The following NUDT2 variants were observed in gnomAD, a reference collection of about 807,000 sequenced individuals.
NUDT2 encodes the protein bis(5'-nucleosyl)-tetraphosphatase [asymmetrical].
In NUDT2, 12 loss-of-function variants were observed where a neutral mutation model predicts 14.2. The observed-to-expected ratio is 0.84, with a 90% CI of 0.54 to 1.37. The LOEUF (loss-of-function observed/expected upper bound fraction) is 1.37, where lower values mean the gene tolerates loss of function less well. NUDT2 is among the 40% of genes most tolerant of loss of function. The pLI, the probability that NUDT2 is intolerant of heterozygous loss-of-function variation, is 0.00. For synonymous variants in NUDT2, 67 were observed against 67.4 expected (o/e 0.99, Z 0.03); for missense variants, 167 against 176.7 (o/e 0.95, Z 0.31).
In NUDT2 at chr9:34,343,602, C is replaced by T. The variant is rs756558874; in HGVS notation, c.*162C>T. On this transcript the variant is annotated 3_prime_UTR_variant, in exon 5 of 5. Transcript: ENST00000379158. ...CTCCCAGGTGAGAGCAAGCAAAAAT[C>T]TTGGCTGGGTGGAAAGGAAGGCAAA... is the stretch of plus-strand genomic sequence containing the variant. 2 of 613,962 alleles carry T rather than the reference C, an allele frequency of 3.3e-6. No homozygotes were observed. The highest frequency in any genetic ancestry group is 3.7e-5 in the African/African-American group (2 of 54,274). 38.0% of individuals were successfully genotyped at this position (613,962 alleles called of 1,614,324 possible). A position where few individuals can be genotyped will look rare whatever the true frequency, so the allele number is the denominator to read the frequency against.
Position 34,343,494 on chromosome 9 carries a change from A to T in NUDT2, c.*54A>T. ...GCAGGATCCTTGTGGGCCTTCTAAG[A>T]TGAAGCCACCCTCAGGTCCAGGGAA... On this transcript the variant is annotated 3_prime_UTR_variant, in exon 5 of 5. Transcript: ENST00000379158. 6.9e-7 allele frequency: 1 copy of T among 1,446,868 alleles called. No homozygotes were observed. The highest frequency in any genetic ancestry group is 9.3e-7 in the Non-Finnish European group (1 of 1,080,248). The allele number at this position is 1,446,868 out of a possible 1,614,324, so 89.6% of individuals were successfully genotyped here. A position where few individuals can be genotyped will look rare whatever the true frequency, so the allele number is the denominator to read the frequency against.
At chr9:34,331,862 A>G (rs1452154244) in intron 1 of NUDT2, among the ~76,000 whole-genome samples, 2 of 152,134 alleles carry the variant, frequency 1.3e-5, no homozygotes, top group Non-Finnish European at 2.9e-5. Flanking sequence ...CAGGCACTCA[A>G]ACCAAAGCCT....
rs57932502 is a variant in NUDT2, at chr9:34,333,261, C to G, written c.-264-2968C>G. On this transcript the variant is annotated intron_variant, in intron 1 of 4. Transcript: ENST00000379158. ...ATTTAACATCTACGGCCCTCTCCCC[C>G]CAACTAAAACCTTTTTGGTGGAAAT... 3.7e-3 allele frequency among the ~76,000 whole-genome samples: 564 copies of G among 152,218 alleles called. 7 individuals carry two copies. Among genetic ancestry groups the G allele is most frequent in the East Asian group, 0.031 (161 of 5,178 alleles).
intron 2 of NUDT2, among the ~76,000 whole-genome samples, chr9:34,336,996 C>CT (rs145996244): frequency 0.46 from 50,493 of 109,220 alleles, 13,566 homozygotes; most frequent in East Asian, 0.66. Context: ...ATATGTACAT[C>CT]TTTTTTTTTT....
At chr9:34,337,237 TGATCTACCCGC>T (rs1191273567) in intron 2 of NUDT2, among the ~76,000 whole-genome samples, 1 of 152,104 alleles carries the variant, frequency 6.6e-6, no homozygotes, top group Admixed American at 6.5e-5. Context: ...TGACCTCAGG[TGATCTACCCGC>T]CTTGGCCTCC....
chr9:34,340,100 A>G (rs771537811), intron 4 of NUDT2, among the ~76,000 whole-genome samples: 1 of 151,810 alleles, frequency 6.6e-6, no homozygotes, highest in African/African-American at 2.4e-5. Context: ...ACGCCTGGCT[A>G]ATTTTTTGTA....
intron 4 of NUDT2, among the ~76,000 whole-genome samples, chr9:34,342,692 A>G (rs948237369): frequency 6.6e-6 from 1 of 152,008 alleles, no homozygotes; most frequent in African/African-American, 2.4e-5. Context: ...GATATTGCCA[A>G]TCTCCAGGCT....
At chr9:34,340,535 T>A (rs7863723) in intron 4 of NUDT2, among the ~76,000 whole-genome samples, 113,015 of 151,748 alleles carry the variant, frequency 0.74, 42,745 homozygotes, top group East Asian at 0.95. Context: ...AAGTCTCCAG[T>A]GGGAAGAACA....
In NUDT2 at chr9:34,338,857, T is replaced by C. The variant is rs538190975; in HGVS notation, c.-17+10T>C. 1.1e-5 allele frequency: 6 copies of C among 528,824 alleles called. No homozygotes were observed. Among genetic ancestry groups the C allele is most frequent in the African/African-American group, 1.1e-4 (6 of 53,010 alleles). 32.8% of individuals were successfully genotyped at this position (528,824 alleles called of 1,614,324 possible). A position where few individuals can be genotyped will look rare whatever the true frequency, so the allele number is the denominator to read the frequency against. ...GCAGTTATACACAAAGGTCAGTCTC[T>C]GATTCCTGGATGCCTTCCATTGGTC... On this transcript the variant is annotated intron_variant, in intron 3 of 4. Coordinates refer to ENST00000379158, the MANE Select transcript of NUDT2 (RefSeq NM_001161.5).
In NUDT2 at chr9:34,343,608, T is replaced by C; in HGVS notation, c.*168T>C. 1.7e-6 allele frequency: 1 copy of C among 596,136 alleles called. No homozygotes were observed. The highest frequency in any genetic ancestry group is 2.8e-6 in the Non-Finnish European group (1 of 354,860). 36.9% of individuals were successfully genotyped at this position (596,136 alleles called of 1,614,324 possible). A position where few individuals can be genotyped will look rare whatever the true frequency, so the allele number is the denominator to read the frequency against. On this transcript the variant is annotated 3_prime_UTR_variant, in exon 5 of 5. Transcript: ENST00000379158. The stretch of plus-strand genomic sequence containing the variant: ...GGTGAGAGCAAGCAAAAATCTTGGC[T>C]GGGTGGAAAGGAAGGCAAAAGAGTA...
At chr9:34,343,100 T>G in intron 4 of NUDT2, 24 bp from the exon 5 acceptor site, 2 of 1,562,992 alleles carry the variant, frequency 1.3e-6, no homozygotes, top group Non-Finnish European at 1.7e-6. Context: ...CCTCCTCCTT[T>G]TCTTCCTCTT....
chr9:34,335,887 T>C (rs1838076887), intron 1 of NUDT2, among the ~76,000 whole-genome samples: 1 of 152,166 alleles, frequency 6.6e-6, no homozygotes, highest in Non-Finnish European at 1.5e-5. Context: ...TGGTTCCATG[T>C]GGCTAACCCA....
intron 1 of NUDT2, among the ~76,000 whole-genome samples, chr9:34,331,884 TTGGCTTATGAAACATCTC>T (rs1306990063): frequency 7.2e-5 from 11 of 152,212 alleles, no homozygotes; most frequent in Admixed American, 2.0e-4. Flanking sequence ...TCTCTTTCCC[TTGGCTTATGAAACATCTC>T]TCTGTCCCTT....
At chr9:34,342,854 CAAATAAAT>C (rs773863442) in intron 4 of NUDT2, among the ~76,000 whole-genome samples, 4 of 151,494 alleles carry the variant, frequency 2.6e-5, no homozygotes, top group South Asian at 2.1e-4. Flanking sequence ...CCATCTTTAC[CAAATAAAT>C]AAATAAATAA....
intron 4 of NUDT2, among the ~76,000 whole-genome samples, chr9:34,339,707 G>A (rs1163490378): frequency 1.3e-5 from 2 of 152,066 alleles, no homozygotes; most frequent in Non-Finnish European, 2.9e-5. Context: ...GCCAGGTGTG[G>A]TGGTGCACAC....
intron 4 of NUDT2, among the ~76,000 whole-genome samples, chr9:34,340,454 G>A (rs527952786): frequency 5.4e-4 from 82 of 152,328 alleles, no homozygotes; most frequent in African/African-American, 1.9e-3. Context: ...TGGAGACCTT[G>A]AGATTGCAGC....
chr9:34,331,745 A>G (rs536852395), intron 1 of NUDT2, among the ~76,000 whole-genome samples: 73 of 152,360 alleles, frequency 4.8e-4, no homozygotes, highest in Middle Eastern at 3.4e-3. Context: ...GGATGAGATG[A>G]TCACTGAACT....
intron 1 of NUDT2, among the ~76,000 whole-genome samples, chr9:34,333,506 G>C (rs1838003296): frequency 2.0e-5 from 3 of 151,916 alleles, no homozygotes; most frequent in Non-Finnish European, 4.4e-5. Context: ...GATGGCTCCT[G>C]CTTGTAGTCC....
chr9:34,343,566 A>C lies in NUDT2; in HGVS notation c.*126A>C, dbSNP rs1169636064. 1 of 872,422 alleles carries C rather than the reference A, an allele frequency of 1.1e-6. No homozygotes were observed. Among genetic ancestry groups the C allele is most frequent in the African/African-American group, 1.7e-5 (1 of 59,006 alleles). 54.0% of individuals were successfully genotyped at this position (872,422 alleles called of 1,614,324 possible). A position where few individuals can be genotyped will look rare whatever the true frequency, so the allele number is the denominator to read the frequency against. Reference sequence around the variant, plus strand: ...ATGACAGCCAAGAGCAGATTTGTGAAATCGGCTCAACTCCCAGGTGAGAGC... The same window carrying C: ...ATGACAGCCAAGAGCAGATTTGTGACATCGGCTCAACTCCCAGGTGAGAGC... On this transcript the variant is annotated 3_prime_UTR_variant, in exon 5 of 5. Transcript: ENST00000379158.
Sources: gnomAD v4.1 joint callset for allele counts (sites outside exome capture counted in the v4.1 genomes callset) on GRCh38, gnomAD v4.1.1 for gene constraint, MANE v1.5 for transcripts, NCBI Gene and HGNC (gene_info 2026-07-23, HGNC 2026-07-21) for gene names.